The following CNTN4 variants were observed in gnomAD, a reference collection of about 807,000 sequenced individuals.
CNTN4 encodes the protein contactin-4.
A neutral mutation model predicts 122.5 loss-of-function variants in CNTN4; 77 were observed. That is an observed-to-expected ratio of 0.63 (90% CI 0.52 to 0.76). The LOEUF is 0.76. Among genes scored for constraint, CNTN4 ranks in the 30% least tolerant of loss-of-function variants. The pLI, the probability that CNTN4 is intolerant of heterozygous loss-of-function variation, is 0.00. For synonymous variants in CNTN4, 512 were observed against 447.0 expected (o/e 1.15, Z -1.83); for missense variants, 1,256 against 1,259.1 (o/e 1.00, Z 0.04).
At chr3:2,624,237 C>T (rs2082096878) in intron 4 of CNTN4, among the ~76,000 whole-genome samples, 1 of 152,096 alleles carries the variant, frequency 6.6e-6, no homozygotes, top group South Asian at 2.1e-4. Context: ...AAAAAGCATT[C>T]ATAGGTTTCA....
intron 6 of CNTN4, among the ~76,000 whole-genome samples, chr3:2,755,281 C>T (rs1284224863): frequency 1.3e-5 from 2 of 152,112 alleles, no homozygotes; most frequent in South Asian, 4.1e-4. Context: ...CTTAAACAGG[C>T]AAACTTTTTT....
At chr3:2,379,116 A>G (rs1336053760) in intron 3 of CNTN4, among the ~76,000 whole-genome samples, 1 of 152,208 alleles carries the variant, frequency 6.6e-6, no homozygotes, top group African/African-American at 2.4e-5. Context: ...TCTTTTAAAT[A>G]TGGAATAACA....
intron 8 of CNTN4, among the ~76,000 whole-genome samples, chr3:2,867,964 A>G (rs1413809524): frequency 6.6e-6 from 1 of 152,200 alleles, no homozygotes; most frequent in African/African-American, 2.4e-5. Flanking sequence ...AATTCAAACA[A>G]AGACATAATT....
chr3:2,968,322 T>C (rs1350247145), intron 13 of CNTN4, among the ~76,000 whole-genome samples: 1 of 152,076 alleles, frequency 6.6e-6, no homozygotes, highest in Non-Finnish European at 1.5e-5. Flanking sequence ...AAGAAGCGCA[T>C]CAAAACCAAG....
chr3:2,693,880 C>G (rs1158392086), intron 4 of CNTN4, among the ~76,000 whole-genome samples: 3 of 152,098 alleles, frequency 2.0e-5, no homozygotes, highest in African/African-American at 7.2e-5. Flanking sequence ...TGCTGGGCCC[C>G]AACTTCTAAG....
At chr3:2,655,683 G>C (rs991961172) in intron 4 of CNTN4, among the ~76,000 whole-genome samples, 4 of 152,060 alleles carry the variant, frequency 2.6e-5, no homozygotes, top group Admixed American at 6.6e-5. Context: ...GCAGAAAAGG[G>C]AGTCATAATA....
intron 13 of CNTN4, among the ~76,000 whole-genome samples, chr3:2,985,930 T>C (rs544843164): frequency 1.2e-3 from 173 of 148,520 alleles, no homozygotes; most frequent in South Asian, 8.9e-3. Context: ...TTTTTTTTTT[T>C]TCGAGACAGG....
intron 3 of CNTN4, among the ~76,000 whole-genome samples, chr3:2,384,622 C>G (rs1363413153): frequency 6.6e-6 from 1 of 152,086 alleles, no homozygotes; most frequent in Non-Finnish European, 1.5e-5. Context: ...TAAAATTACT[C>G]CCTTTGTGGA....
intron 4 of CNTN4, among the ~76,000 whole-genome samples, chr3:2,649,214 G>T (rs547084220): frequency 1.7e-4 from 26 of 152,290 alleles, no homozygotes; most frequent in Non-Finnish European, 3.5e-4. Context: ...AATTAATAAA[G>T]GTGGCTACCC....
intron 4 of CNTN4, among the ~76,000 whole-genome samples, chr3:2,579,443 G>A (rs917052851): frequency 1.4e-4 from 22 of 152,148 alleles, no homozygotes; most frequent in Non-Finnish European, 7.3e-5. Context: ...CAGAGCTGGC[G>A]GTTGAGAATA....
intron 2 of CNTN4, among the ~76,000 whole-genome samples, chr3:2,279,914 C>A (rs1298252279): frequency 6.7e-6 from 1 of 149,990 alleles, no homozygotes; most frequent in African/African-American, 2.4e-5. Context: ...ATCTATATAT[C>A]TAGCTATATA....
At chr3:2,759,279 C>G (rs1182424443) in intron 6 of CNTN4, among the ~76,000 whole-genome samples, 1 of 152,164 alleles carries the variant, frequency 6.6e-6, no homozygotes, top group African/African-American at 2.4e-5. Flanking sequence ...CCTCAGCCTC[C>G]TGAGTAGCTG....
chr3:2,936,964 G>A (rs946718510), intron 13 of CNTN4, among the ~76,000 whole-genome samples: 15 of 152,178 alleles, frequency 9.9e-5, no homozygotes, highest in Non-Finnish European at 1.5e-4. Context: ...GATTGACTAA[G>A]TGGGACTGAG....
chr3:2,347,160 C>T (rs1175380020), intron 3 of CNTN4, among the ~76,000 whole-genome samples: 1 of 152,028 alleles, frequency 6.6e-6, no homozygotes, highest in Non-Finnish European at 1.5e-5. Flanking sequence ...GCAAACAGCC[C>T]CAAGTGTCAT....
intron 3 of CNTN4, among the ~76,000 whole-genome samples, chr3:2,530,133 G>A (rs918719885): frequency 6.6e-6 from 1 of 152,052 alleles, no homozygotes; most frequent in Non-Finnish European, 1.5e-5. Flanking sequence ...TTTGAGAGCA[G>A]TAGGAGCTTT....
chr3:2,880,592 A>G (rs1198184121), intron 8 of CNTN4, among the ~76,000 whole-genome samples: 3 of 152,236 alleles, frequency 2.0e-5, no homozygotes, highest in Admixed American at 1.3e-4. Flanking sequence ...AAGAAAGGCC[A>G]GCCCAGACTC....
intron 2 of CNTN4, among the ~76,000 whole-genome samples, chr3:2,197,540 G>A (rs748249364): frequency 7.2e-5 from 11 of 152,112 alleles, no homozygotes; most frequent in Non-Finnish European, 1.5e-4. Flanking sequence ...TTATAAATGG[G>A]AAGATGGAGA....
rs549898198 is a variant in CNTN4 at position 2,128,674 on chromosome 3, TATG to T, written c.-145+28036_-145+28038del. Among the ~76,000 whole-genome samples, 10 of 152,302 alleles carry T rather than the reference TATG, an allele frequency of 6.6e-5. No individual in the cohort carries two copies. In the South Asian group the frequency reaches 2.1e-3, roughly 32 times the overall value. On this transcript the variant is annotated intron_variant, in intron 2 of 24. Transcript: ENST00000418658. Reference sequence around the variant, plus strand: ...CAAGAAGAACTTAGGATGTTTAGCTTATGGTGGTGTAAATTCAGTGCAAGGGGA... The same window carrying T: ...CAAGAAGAACTTAGGATGTTTAGCTTGTGGTGTAAATTCAGTGCAAGGGGA...
intron 6 of CNTN4, among the ~76,000 whole-genome samples, chr3:2,813,487 T>C (rs934647288): frequency 1.3e-5 from 2 of 152,288 alleles, no homozygotes; most frequent in African/African-American, 4.8e-5. Flanking sequence ...CTTTTTTTCT[T>C]TTCTCCCTTC....
Sources: gnomAD v4.1 joint callset for allele counts (sites outside exome capture counted in the v4.1 genomes callset) on GRCh38, gnomAD v4.1.1 for gene constraint, MANE v1.5 for transcripts, NCBI Gene and HGNC (gene_info 2026-07-23, HGNC 2026-07-21) for gene names.